ERBB4: variants seen among roughly 807,000 people sequenced by gnomAD.
ERBB4 encodes the protein receptor tyrosine-protein kinase erbB-4.
A neutral mutation model predicts 158.0 loss-of-function variants in ERBB4; 42 were observed. The observed-to-expected ratio is 0.27, with a 90% CI of 0.21 to 0.34. The LOEUF (loss-of-function observed/expected upper bound fraction) is 0.34. Among genes scored for constraint, ERBB4 ranks in the 10% least tolerant of loss-of-function variants. The pLI is 1.00. For synonymous variants in ERBB4, 583 were observed against 558.7 expected (o/e 1.04, Z -0.61); for missense variants, 1,333 against 1,624.1 (o/e 0.82, Z 3.08).
intron 1 of ERBB4, among the ~76,000 whole-genome samples, chr2:212,193,907 C>G (rs2082347314): frequency 6.6e-6 from 1 of 151,928 alleles, no homozygotes; most frequent in South Asian, 2.1e-4. Context: ...TGTAGTTTAT[C>G]TAAATACTAA....
At chr2:212,044,373 C>CA (rs1317196140) in intron 2 of ERBB4, among the ~76,000 whole-genome samples, 1 of 151,998 alleles carries the variant, frequency 6.6e-6, no homozygotes, top group Non-Finnish European at 1.5e-5. Context: ...ATAAAAAAAC[C>CA]AAAATCCTCT....
chr2:211,425,606 T>C (rs1375276545), intron 22 of ERBB4, among the ~76,000 whole-genome samples: 1 of 151,910 alleles, frequency 6.6e-6, no homozygotes, highest in Admixed American at 6.6e-5. Flanking sequence ...CATCTCTAGA[T>C]AGTCATACTT....
chr2:211,640,965 T>C (rs2070561823), intron 16 of ERBB4, among the ~76,000 whole-genome samples: 1 of 152,114 alleles, frequency 6.6e-6, no homozygotes, highest in Non-Finnish European at 1.5e-5. Flanking sequence ...GACAGACAAT[T>C]AGAAGGGAGA....
chr2:211,763,446 CAG>C (rs1475115447), intron 4 of ERBB4, among the ~76,000 whole-genome samples: 1 of 152,126 alleles, frequency 6.6e-6, no homozygotes, highest in African/African-American at 2.4e-5. Context: ...TAGTTCCTAA[CAG>C]TGTTCAAAAC....
chr2:212,373,193 G>A (rs2090146809), intron 1 of ERBB4, among the ~76,000 whole-genome samples: 1 of 151,960 alleles, frequency 6.6e-6, no homozygotes, highest in Non-Finnish European at 1.5e-5. Flanking sequence ...ATAAGCCCAA[G>A]AAAGTAGCAT....
intron 2 of ERBB4, among the ~76,000 whole-genome samples, chr2:212,047,248 A>G (rs2077281913): frequency 6.6e-6 from 1 of 152,224 alleles, no homozygotes; most frequent in Admixed American, 6.5e-5. Flanking sequence ...TCAAATATAC[A>G]TGAATTTGAA....
At chr2:212,059,412 T>C (rs566130939) in intron 2 of ERBB4, among the ~76,000 whole-genome samples, 1 of 152,208 alleles carries the variant, frequency 6.6e-6, no homozygotes, top group Non-Finnish European at 1.5e-5. Flanking sequence ...AAGCTACCAA[T>C]GACTTTCTTC....
At position 212,406,056 on chromosome 2, in the gene ERBB4, A is replaced by T. The variant is rs911941124; in HGVS notation, c.82+132393T>A. Among the ~76,000 whole-genome samples, 3 of 152,056 alleles carry T rather than the reference A, an allele frequency of 2.0e-5. No individual in the cohort carries two copies. The East Asian group carries it at 5.8e-4, about 29-fold the overall frequency. ...CAGTGTGAACTAATAAACCTCCTAA[A>T]CCTACATTTCACAACATGAAAAATA... On this transcript the variant is annotated intron_variant, in intron 1 of 27. Coordinates refer to ENST00000342788, the MANE Select transcript of ERBB4 (RefSeq NM_005235.3).
chr2:212,182,395 A>C (rs577237248), intron 1 of ERBB4, among the ~76,000 whole-genome samples: 2 of 151,882 alleles, frequency 1.3e-5, no homozygotes, highest in South Asian at 2.1e-4. Flanking sequence ...GCTTATTTCA[A>C]ATTTTGCACT....
chr2:212,083,013 A>G (rs980835229), intron 2 of ERBB4, among the ~76,000 whole-genome samples: 1 of 151,998 alleles, frequency 6.6e-6, no homozygotes, highest in African/African-American at 2.4e-5. Context: ...TAACTCTGCT[A>G]TGATTCATAA....
intron 3 of ERBB4, among the ~76,000 whole-genome samples, chr2:211,860,431 A>G (rs1383003690): frequency 6.6e-6 from 1 of 152,202 alleles, no homozygotes; most frequent in Non-Finnish European, 1.5e-5. Flanking sequence ...CAAATTTTAG[A>G]TTAAAAACAG....
intron 2 of ERBB4, among the ~76,000 whole-genome samples, chr2:212,091,334 A>G (rs2078768522): frequency 6.6e-6 from 1 of 152,122 alleles, no homozygotes; most frequent in Admixed American, 6.6e-5. Flanking sequence ...TCTAAGCTTA[A>G]GTTCGATTTT....
At chr2:212,258,552 A>C (rs1485110609) in intron 1 of ERBB4, among the ~76,000 whole-genome samples, 1 of 149,942 alleles carries the variant, frequency 6.7e-6, no homozygotes, top group East Asian at 1.9e-4. Flanking sequence ...AAATTTTAAA[A>C]AGATTTTCAT....
chr2:211,714,398 C>A (rs1249410671), intron 7 of ERBB4, among the ~76,000 whole-genome samples: 1 of 152,130 alleles, frequency 6.6e-6, no homozygotes, highest in Non-Finnish European at 1.5e-5. Context: ...ATTGTTCTGG[C>A]ACAATATGCA....
chr2:211,906,799 T>G (rs1184033872), intron 3 of ERBB4, among the ~76,000 whole-genome samples: 4 of 151,574 alleles, frequency 2.6e-5, no homozygotes, highest in African/African-American at 2.4e-5. Flanking sequence ...AGTGAGAACA[T>G]GGGGTATTTG....
At chr2:211,411,531 T>A (rs1187739170) in intron 25 of ERBB4, among the ~76,000 whole-genome samples, 1 of 152,224 alleles carries the variant, frequency 6.6e-6, no homozygotes, top group Non-Finnish European at 1.5e-5. Context: ...ATGCAAATTA[T>A]CCAGCCACAC....
chr2:211,464,183 A>G (rs775340102), intron 20 of ERBB4, among the ~76,000 whole-genome samples: 27 of 152,192 alleles, frequency 1.8e-4, no homozygotes, highest in Non-Finnish European at 3.5e-4. Context: ...CTCTAATAGA[A>G]GATAAGCTCA....
intron 2 of ERBB4, among the ~76,000 whole-genome samples, chr2:212,029,969 C>G (rs1024719254): frequency 6.6e-6 from 1 of 152,132 alleles, no homozygotes; most frequent in African/African-American, 2.4e-5. Flanking sequence ...AAGTTTTGCA[C>G]TGTACTATCA....
intron 2 of ERBB4, among the ~76,000 whole-genome samples, chr2:212,018,576 A>G (rs2076577811): frequency 6.6e-6 from 1 of 152,202 alleles, no homozygotes. Flanking sequence ...CCCTTTGAAA[A>G]GCTATTGAAA....
Sources: gnomAD v4.1 joint callset for allele counts (sites outside exome capture counted in the v4.1 genomes callset) on GRCh38, gnomAD v4.1.1 for gene constraint, MANE v1.5 for transcripts, NCBI Gene and HGNC (gene_info 2026-07-23, HGNC 2026-07-21) for gene names.